RSRC1: variants seen among roughly 807,000 people sequenced by gnomAD.
RSRC1 encodes arginine and serine rich coiled-coil 1, also known as serine/Arginine-related protein 53.
RSRC1 carries 39 observed loss-of-function variants against 49.1 expected under a neutral mutation model. The observed-to-expected ratio is 0.79, with a 90% CI of 0.61 to 1.04. The LOEUF (loss-of-function observed/expected upper bound fraction) is 1.04, where lower values mean the gene tolerates loss of function less well. Among genes scored for constraint, RSRC1 ranks in the 50% least tolerant of loss-of-function variants. The pLI is 0.00. For missense variants in RSRC1, 388 were observed against 402.4 expected (o/e 0.96, Z 0.31); for synonymous variants, 143 against 130.8 (o/e 1.09, Z -0.63).
At chr3:158,176,057 A>G (rs1230975789) in intron 3 of RSRC1, among the ~76,000 whole-genome samples, 1 of 152,124 alleles carries the variant, frequency 6.6e-6, no homozygotes, top group East Asian at 1.9e-4. Context: ...CACTATTGCT[A>G]CAAAGAGAAT....
At chr3:158,147,716 G>T (rs1253092102) in intron 3 of RSRC1, among the ~76,000 whole-genome samples, 2 of 151,818 alleles carry the variant, frequency 1.3e-5, no homozygotes, top group African/African-American at 4.8e-5. Context: ...CTACATTATT[G>T]GTTTGTTCAA....
chr3:158,450,272 C>T (rs111718647), intron 6 of RSRC1, among the ~76,000 whole-genome samples: 1,649 of 150,190 alleles, frequency 0.011, 32 homozygotes, highest in African/African-American at 0.039. Flanking sequence ...TAAGGTTATC[C>T]GATGAAAGTT....
intron 3 of RSRC1, among the ~76,000 whole-genome samples, chr3:158,195,509 C>A (rs1249812760): frequency 1.3e-5 from 2 of 152,060 alleles, no homozygotes. Flanking sequence ...TTAATTAGAT[C>A]CTGTTTGTCA....
chr3:158,410,043 T>C (rs1350256777), intron 6 of RSRC1, among the ~76,000 whole-genome samples: 1 of 152,166 alleles, frequency 6.6e-6, no homozygotes, highest in African/African-American at 2.4e-5. Flanking sequence ...TTTACAGTCA[T>C]AGTCTCATAC....
chr3:158,192,862 C>T (rs908233514), intron 3 of RSRC1, among the ~76,000 whole-genome samples: 8 of 152,026 alleles, frequency 5.3e-5, no homozygotes, highest in African/African-American at 1.9e-4. Flanking sequence ...TTATTATTCA[C>T]CTTCCTATAT....
At chr3:158,213,282 A>G (rs146175336) in intron 4 of RSRC1, among the ~76,000 whole-genome samples, 152 of 152,040 alleles carry the variant, frequency 1.0e-3, no homozygotes, top group African/African-American at 3.4e-3. Context: ...GTACTTTTCT[A>G]CTAAAGCAGA....
intron 3 of RSRC1, among the ~76,000 whole-genome samples, chr3:158,199,347 G>A (rs1720887315): frequency 6.6e-6 from 1 of 152,078 alleles, no homozygotes; most frequent in Non-Finnish European, 1.5e-5. Context: ...TCTAGGATGA[G>A]TTCATGTGAT....
intron 3 of RSRC1, among the ~76,000 whole-genome samples, chr3:158,199,585 C>T (rs1057387009): frequency 6.6e-6 from 1 of 152,072 alleles, no homozygotes; most frequent in African/African-American, 2.4e-5. Flanking sequence ...TTTGTAGCTT[C>T]TTCAAGTGAA....
At chr3:158,529,187 A>G (rs1193663981) in intron 7 of RSRC1, among the ~76,000 whole-genome samples, 1 of 137,888 alleles carries the variant, frequency 7.3e-6, no homozygotes, top group Non-Finnish European at 1.5e-5. Flanking sequence ...AAATATATAT[A>G]TTTTATGTAT....
At chr3:158,412,562 T>C (rs1734517057) in intron 6 of RSRC1, among the ~76,000 whole-genome samples, 1 of 152,124 alleles carries the variant, frequency 6.6e-6, no homozygotes, top group African/African-American at 2.4e-5. Flanking sequence ...TGTTAATGAG[T>C]GTAGAGGGGC....
intron 6 of RSRC1, among the ~76,000 whole-genome samples, chr3:158,431,922 T>A (rs1442271776): frequency 2.0e-5 from 3 of 152,016 alleles, no homozygotes; most frequent in Non-Finnish European, 4.4e-5. Context: ...GAATTAATTT[T>A]AAAGTCAAAA....
chr3:158,518,148 A>ATATATATATGTTTTTTT (rs1310027981), intron 7 of RSRC1, among the ~76,000 whole-genome samples: 1 of 44,142 alleles, frequency 2.3e-5, no homozygotes, highest in African/African-American at 1.5e-4. Flanking sequence ...ATATATATAT[A>ATATATATATGTTTTTTT]TTTTTTTTTT....
At chr3:158,184,830 T>C (rs944935197) in intron 3 of RSRC1, among the ~76,000 whole-genome samples, 1 of 152,116 alleles carries the variant, frequency 6.6e-6, no homozygotes, top group East Asian at 1.9e-4. Context: ...TTAAGAGATA[T>C]TAATATTTTG....
intron 4 of RSRC1, chr3:158,225,689 A>G: frequency 2.2e-6 from 1 of 454,176 alleles, no homozygotes; most frequent in South Asian, 1.6e-5. Flanking sequence ...AGGAAAAAGA[A>G]ACTTACATCT....
At chr3:158,343,013 G>A (rs953471523) in intron 5 of RSRC1, among the ~76,000 whole-genome samples, 3 of 152,202 alleles carry the variant, frequency 2.0e-5, no homozygotes, top group African/African-American at 7.2e-5. Context: ...CACAGAACAA[G>A]TTACCTGAGA....
intron 3 of RSRC1, among the ~76,000 whole-genome samples, chr3:158,150,054 T>A (rs972685695): frequency 1.3e-5 from 2 of 152,250 alleles, no homozygotes; most frequent in African/African-American, 4.8e-5. Context: ...GGGTCTTCTC[T>A]TATGTAAACT....
intron 5 of RSRC1, among the ~76,000 whole-genome samples, chr3:158,316,001 G>A (rs1464853935): frequency 2.6e-5 from 4 of 151,748 alleles, no homozygotes; most frequent in African/African-American, 4.8e-5. Flanking sequence ...GTGAAACCCC[G>A]TCTCCACTAA....
At chr3:158,324,837 C>T (rs955799615) in intron 5 of RSRC1, among the ~76,000 whole-genome samples, 2 of 152,216 alleles carry the variant, frequency 1.3e-5, no homozygotes, top group Non-Finnish European at 2.9e-5. Flanking sequence ...AAGTAGTTTA[C>T]AGTCCCATCA....
intron 5 of RSRC1, among the ~76,000 whole-genome samples, chr3:158,352,263 C>A (rs12635963): frequency 0.13 from 20,500 of 151,944 alleles, 1,505 homozygotes; most frequent in Middle Eastern, 0.2. Context: ...CAGAGTGAGA[C>A]CCTATCTCTT....
Sources: allele counts gnomAD v4.1 joint callset (sites outside exome capture counted in the v4.1 genomes callset), GRCh38; gene constraint gnomAD v4.1.1; transcripts MANE v1.5; gene names NCBI Gene and HGNC (gene_info 2026-07-23, HGNC 2026-07-21).